The following SUGP1 variants were observed in gnomAD, a reference collection of about 807,000 sequenced individuals.
The protein encoded by SUGP1 is SURP and G-patch domain containing 1, also known as SURP and G-patch domain-containing protein 1.
Under a neutral mutation model 76.5 loss-of-function variants are expected in SUGP1, and 34 were observed. That is an observed-to-expected ratio of 0.44 (90% CI 0.34 to 0.59). The LOEUF (loss-of-function observed/expected upper bound fraction) is 0.59. Among genes scored for constraint, SUGP1 ranks in the 20% least tolerant of loss-of-function variants. SUGP1 has a pLI of 0.01. For missense variants in SUGP1, 752 were observed against 851.7 expected (o/e 0.88, Z 1.46); for synonymous variants, 326 against 326.2 (o/e 1.00, Z 0.01).
intron 2 of SUGP1, among the ~76,000 whole-genome samples, chr19:19,312,140 T>A (rs955828300): frequency 5.9e-5 from 9 of 151,866 alleles, no homozygotes; most frequent in Non-Finnish European, 2.9e-5. Flanking sequence ...TTCCAGAGGA[T>A]CACCGGAGCC....
At chr19:19,283,551 T>C (rs2061116476) in intron 8 of SUGP1, among the ~76,000 whole-genome samples, 1 of 152,016 alleles carries the variant, frequency 6.6e-6, no homozygotes, top group South Asian at 2.1e-4. Flanking sequence ...GCCTCCTGGG[T>C]TCAAGAGATT....
chr19:19,283,746 G>A (rs181828411), intron 8 of SUGP1, among the ~76,000 whole-genome samples: 1 of 151,376 alleles, frequency 6.6e-6, no homozygotes, highest in African/African-American at 2.4e-5. Context: ...GAGCCACCAC[G>A]TCCGGCCAAT....
At chr19:19,312,815 G>A (rs143373734) in intron 2 of SUGP1, among the ~76,000 whole-genome samples, 2,410 of 151,594 alleles carry the variant, frequency 0.016, 73 homozygotes, top group African/African-American at 0.056. Context: ...GTGAAACCCC[G>A]TCTCTACTAA....
intron 6 of SUGP1, among the ~76,000 whole-genome samples, 157 bp downstream of exon 6, chr19:19,303,191 C>T (rs914279504): frequency 2.0e-5 from 3 of 152,164 alleles, no homozygotes; most frequent in Non-Finnish European, 4.4e-5. Context: ...GTGTCAGACC[C>T]ATTCCCAGAG....
chr19:19,297,451 C>T (rs1297190432), intron 7 of SUGP1, 107 bp from the exon 8 acceptor site: 2 of 640,450 alleles, frequency 3.1e-6, no homozygotes, highest in African/African-American at 4.3e-5. Flanking sequence ...GCCAGGGTCA[C>T]TATATGGTCA....
intron 11 of SUGP1, among the ~76,000 whole-genome samples, chr19:19,278,399 C>T (rs1568616539): frequency 6.6e-6 from 1 of 152,198 alleles, no homozygotes; most frequent in Admixed American, 6.5e-5. Context: ...TCCGTGGGGA[C>T]TTCTGCCGGA....
chr19:19,278,339 C>T (rs1021680494), intron 11 of SUGP1, among the ~76,000 whole-genome samples: 1 of 152,186 alleles, frequency 6.6e-6, no homozygotes, highest in Admixed American at 6.5e-5. Context: ...TCCTCAGGAG[C>T]CCAACAGCAG....
intron 8 of SUGP1, among the ~76,000 whole-genome samples, chr19:19,283,056 G>A (rs1206423349): frequency 2.1e-5 from 3 of 145,564 alleles, no homozygotes; most frequent in Non-Finnish European, 4.5e-5. Context: ...CAGCCTGGGC[G>A]ACAGAGTGAG....
At chr19:19,296,115 A>T (rs74182634) in intron 8 of SUGP1, among the ~76,000 whole-genome samples, 3,213 of 152,110 alleles carry the variant, frequency 0.021, 40 homozygotes, top group Non-Finnish European at 0.034. Context: ...ACAGAAGTTC[A>T]AGACCAGCCT....
rs532464884 is a variant in SUGP1 at position 19,297,669 on chromosome 19, A to G, written c.888-325T>C. Among the ~76,000 whole-genome samples the G allele has an allele frequency of 7.9e-5, 12 of 152,334 alleles. No homozygotes were observed. The East Asian group carries it at 2.3e-3, about 29-fold the overall frequency. ...CTCAGACCCTTCCCCAGGGCCTGGG[A>G]AAAGTGAGACATTCACACCAAAAAA... On this transcript the variant is annotated intron_variant, in intron 7 of 13. Coordinates refer to ENST00000247001, the MANE Select transcript of SUGP1 (RefSeq NM_172231.4).
intron 12 of SUGP1, among the ~76,000 whole-genome samples, 181 bp from the exon 13 acceptor site, chr19:19,277,257 G>GT (rs1375669190): frequency 2.0e-5 from 3 of 150,334 alleles, no homozygotes; most frequent in Non-Finnish European, 4.4e-5. Flanking sequence ...CGGGCGGGGG[G>GT]GGGGGGCCTA....
chr19:19,282,832 C>G lies in SUGP1; in HGVS notation c.1244-2541G>C, dbSNP rs184858599. On this transcript the variant is annotated intron_variant, in intron 8 of 13. Coordinates refer to ENST00000247001, the MANE Select transcript of SUGP1 (RefSeq NM_172231.4). ...GCGGCTCACGCCTGTAATCCCAGAA[C>G]TTTGGGAGGCCAAGGTGGGCGGATC... 3.3e-5 allele frequency among the ~76,000 whole-genome samples: 5 copies of G among 152,262 alleles called. No homozygotes were observed. The East Asian group carries it at 9.7e-4, about 29-fold the overall frequency.
intron 8 of SUGP1, among the ~76,000 whole-genome samples, chr19:19,289,321 GC>G (rs374468038): frequency 5.2e-4 from 79 of 152,086 alleles, no homozygotes; most frequent in African/African-American, 1.5e-3. Flanking sequence ...GTCATACAGG[GC>G]CGGGCATGGT....
intron 12 of SUGP1, among the ~76,000 whole-genome samples, 177 bp from the exon 13 acceptor site, chr19:19,277,253 G>C (rs1424612713): frequency 6.8e-6 from 1 of 146,864 alleles, no homozygotes; most frequent in Admixed American, 6.7e-5. Context: ...GGGGCGGGCG[G>C]GGGGGGGGGG....
chr19:19,307,100 G>A (rs2061323405), intron 3 of SUGP1, among the ~76,000 whole-genome samples: 1 of 152,056 alleles, frequency 6.6e-6, no homozygotes, highest in Non-Finnish European at 1.5e-5. Flanking sequence ...CTGAAGTGCA[G>A]TGGTGCAATC....
intron 1 of SUGP1, among the ~76,000 whole-genome samples, chr19:19,317,253 TAGAAG>T (rs2061401493): frequency 6.6e-6 from 1 of 151,354 alleles, no homozygotes; most frequent in Non-Finnish European, 1.5e-5. Flanking sequence ...AAATAAACAC[TAGAAG>T]AGGAGACATT....
At chr19:19,317,905 G>C (rs1484345297) in intron 1 of SUGP1, among the ~76,000 whole-genome samples, 1 of 146,844 alleles carries the variant, frequency 6.8e-6, no homozygotes, top group African/African-American at 2.5e-5. Flanking sequence ...CCACCTCCCA[G>C]GTTCAAGCGA....
Position 19,298,216 on chromosome 19 carries a change from G to GAC in SUGP1, c.888-873_888-872insGT, listed in dbSNP as rs1555789393. 2.0e-5 allele frequency among the ~76,000 whole-genome samples: 3 copies of GAC among 151,968 alleles called. No individual in the cohort carries two copies. In the South Asian group the frequency reaches 6.2e-4, roughly 32 times the overall value. On this transcript the variant is annotated intron_variant, in intron 7 of 13. Coordinates refer to ENST00000247001, the MANE Select transcript of SUGP1 (RefSeq NM_172231.4). ...CTGTGAAGTCCCTTTGTGTTACAGA[G>GAC]GCCGGGCGCGGTGGCTCACGCCTGT... is the stretch of plus-strand genomic sequence containing the variant.
At chr19:19,278,905 C>A in intron 10 of SUGP1, 109 bp from the exon 11 acceptor site, 1 of 1,196,662 alleles carries the variant, frequency 8.4e-7, no homozygotes, top group South Asian at 1.3e-5. Flanking sequence ...CTGGGGCCCC[C>A]AGGGAAGGAG....
Sources: gnomAD v4.1 joint callset for allele counts (sites outside exome capture counted in the v4.1 genomes callset) on GRCh38, gnomAD v4.1.1 for gene constraint, MANE v1.5 for transcripts, NCBI Gene and HGNC (gene_info 2026-07-23, HGNC 2026-07-21) for gene names.